LATS1: variants seen among roughly 807,000 people sequenced by gnomAD.
LATS1 encodes large tumor suppressor kinase 1.
In LATS1, 25 loss-of-function variants were observed where a neutral mutation model predicts 106.6. The observed-to-expected ratio is 0.23, with a 90% confidence interval of 0.17 to 0.33. The LOEUF is 0.33. LATS1 is among the 10% of genes least tolerant of loss of function. The pLI is 1.00. For missense variants in LATS1, 1,040 were observed against 1,382.6 expected (o/e 0.75, Z 3.93); for synonymous variants, 465 against 455.6 (o/e 1.02, Z -0.26).
At chr6:149,692,385 G>C (rs918585226) in intron 3 of LATS1, among the ~76,000 whole-genome samples, 11 of 151,950 alleles carry the variant, frequency 7.2e-5, no homozygotes, top group African/African-American at 2.4e-4. Context: ...TTATCAGTTT[G>C]TTAGGAAGGG....
rs1015985815 is a variant in LATS1 at position 149,683,127 on chromosome 6, A to C, written c.1962T>G (p.His654Gln). Residue 654 changes from histidine to glutamine, a missense_variant, in exon 4 of 8, where the codon CAT (histidine) becomes CAG (glutamine). Around this residue, in one of 7 missense-constraint regions of LATS1, gnomAD observed 167 missense variants for 332.1 expected, o/e 0.50. Transcript: ENST00000543571. Reference protein sequence around the residue: ...EQHVENVLKSHQQRLHRKKQL... With the variant: ...EQHVENVLKSQQQRLHRKKQL... The stretch of plus-strand genomic sequence containing the variant: ...GTTTTTTACGATGTAGACGCTGCTG[A>C]TGAGATTTGAGTACATTTTCTACAT... 7 of 1,613,362 alleles carry C rather than the reference A, an allele frequency of 4.3e-6. No homozygotes were observed. The highest frequency in any genetic ancestry group is 1.3e-5 in the African/African-American group (1 of 74,920).
At chr6:149,666,814 C>A (rs1348338482) in intron 7 of LATS1, among the ~76,000 whole-genome samples, 1 of 151,364 alleles carries the variant, frequency 6.6e-6, no homozygotes, top group East Asian at 1.9e-4. Context: ...TGGTGGTGGG[C>A]GCCTGTAGTC....
At chr6:149,706,714 T>C (rs1162218504) in intron 1 of LATS1, among the ~76,000 whole-genome samples, 2 of 151,828 alleles carry the variant, frequency 1.3e-5, no homozygotes, top group Admixed American at 1.3e-4. Context: ...AGGAAGGCAA[T>C]GTGATGATGA....
chr6:149,705,931 C>T (rs1783735736), intron 1 of LATS1, among the ~76,000 whole-genome samples: 1 of 152,028 alleles, frequency 6.6e-6, no homozygotes, highest in Non-Finnish European at 1.5e-5. Flanking sequence ...CTCCTATAAT[C>T]CCAGCACTTT....
At chr6:149,667,122 A>T (rs1227517260) in intron 7 of LATS1, among the ~76,000 whole-genome samples, 4 of 151,950 alleles carry the variant, frequency 2.6e-5, no homozygotes, top group African/African-American at 9.7e-5. Flanking sequence ...GAGGAAAAAA[A>T]ATCAGTGAAC....
intron 1 of LATS1, among the ~76,000 whole-genome samples, chr6:149,707,173 G>A (rs958911472): frequency 2.0e-5 from 3 of 151,786 alleles, no homozygotes; most frequent in Admixed American, 1.3e-4. Context: ...GTACCACCAC[G>A]CCAGGCTAAT....
chr6:149,695,676 GAAAA>G (rs59803714), intron 2 of LATS1, among the ~76,000 whole-genome samples: 2 of 134,198 alleles, frequency 1.5e-5, no homozygotes, highest in Non-Finnish European at 3.3e-5. Context: ...TGCTGTCTTG[GAAAA>G]AAAAAAAAAA....
chr6:149,682,004 G>A (rs1467674191), intron 4 of LATS1, among the ~76,000 whole-genome samples: 3 of 151,878 alleles, frequency 2.0e-5, no homozygotes, highest in Non-Finnish European at 4.4e-5. Flanking sequence ...CCCAGCTAGT[G>A]GGGAGGCTGA....
chr6:149,676,734 T>C lies in LATS1; in HGVS notation c.2597A>G (p.Asp866Gly). The C allele has an allele frequency of 6.2e-7, 1 of 1,609,570 alleles. No homozygotes were observed. The highest frequency in any genetic ancestry group is 8.5e-7 in the Non-Finnish European group (1 of 1,176,452). ...ATCCATGCTATCTTGCCGTGGATGG[T>C]CACCTGCACAACAAAAGAATAAGTA... is the stretch of plus-strand genomic sequence containing the variant. ...THDSKYYQSGDHPRQDSMDFS... is the reference protein window; with the variant it reads ...THDSKYYQSGGHPRQDSMDFS... Residue 866 changes from aspartate (D) to glycine (G), a missense_variant, in exon 6 of 8, where the codon GAC becomes GGC. This residue lies in a region of LATS1 where 63 missense variants were observed against 64.3 expected (regional missense o/e 0.98). Transcript: ENST00000543571.
In LATS1 at chr6:149,683,202, A is replaced by C; in HGVS notation, c.1887T>G (p.Ser629=). 1.2e-6 allele frequency: 2 copies of C among 1,614,122 alleles called. No individual in the cohort carries two copies. Among genetic ancestry groups the C allele is most frequent in the Non-Finnish European group, 1.7e-6 (2 of 1,179,996 alleles). ...CTTGAGGAGAATAACTTTGAATACG[A>C]GATTCCCTTCGCTCTTCATCTTTCT... The part of the protein sequence containing the change: ...KNKKDEERRE[S]RIQSYSPQAF... Residue 629 remains serine, a synonymous_variant, in exon 4 of 8, where the codon TCT becomes TCG. Transcript: ENST00000543571.
chr6:149,660,370 A>G lies in LATS1; in HGVS notation c.*1359T>C, dbSNP rs1281030465. 1 of 233,138 alleles carries G rather than the reference A, an allele frequency of 4.3e-6. No individual in the cohort carries two copies. The highest frequency in any genetic ancestry group is 8.5e-6 in the Non-Finnish European group (1 of 117,984). The allele number at this position is 233,138 out of a possible 1,614,324, so 14.4% of individuals were successfully genotyped here. On this transcript the variant is annotated 3_prime_UTR_variant, in exon 8 of 8. Transcript: ENST00000543571. ...AGCTCTGCCTTTAATTTTACTACATATACGGTTTCAATTAGCTTTTATGCG... is the reference window on the plus strand; with the variant it reads ...AGCTCTGCCTTTAATTTTACTACATGTACGGTTTCAATTAGCTTTTATGCG...
intron 3 of LATS1, among the ~76,000 whole-genome samples, chr6:149,688,640 A>G (rs1782542146): frequency 6.6e-6 from 1 of 152,144 alleles, no homozygotes; most frequent in African/African-American, 2.4e-5. Flanking sequence ...CATCAACTAT[A>G]TGCCAGGCAC....
At chr6:149,672,950 A>C (rs537515660) in intron 7 of LATS1, among the ~76,000 whole-genome samples, 5 of 152,126 alleles carry the variant, frequency 3.3e-5, no homozygotes, top group Admixed American at 6.5e-5. Flanking sequence ...GTTTCAAAAA[A>C]AACAACAACG....
At chr6:149,669,767 A>G (rs1203395365) in intron 7 of LATS1, among the ~76,000 whole-genome samples, 2 of 151,880 alleles carry the variant, frequency 1.3e-5, no homozygotes, top group African/African-American at 4.9e-5. Context: ...AAAAGGAAAA[A>G]AGAAGAAAAA....
intron 7 of LATS1, among the ~76,000 whole-genome samples, chr6:149,666,337 G>A (rs1443428558): frequency 1.3e-5 from 2 of 151,824 alleles, no homozygotes; most frequent in African/African-American, 4.9e-5. Context: ...GCCATTATAG[G>A]CCGGGTGCGG....
rs78645785 is a variant in LATS1, at chr6:149,660,024, G to A, written c.*1705C>T. On this transcript the variant is annotated 3_prime_UTR_variant, in exon 8 of 8. Coordinates refer to ENST00000543571, the MANE Select transcript of LATS1 (RefSeq NM_004690.4). ...TATAAGATGTGCTGAGTAGTGATTG[G>A]TAAGTTAAAAACAAAGTTCTTAGTT... 3,450 of 232,268 alleles carry A rather than the reference G, an allele frequency of 0.015. 131 individuals are homozygous for A. The highest frequency in any genetic ancestry group is 0.072 in the African/African-American group (3,288 of 45,358). The allele number at this position is 232,268 out of a possible 1,614,324, so 14.4% of individuals were successfully genotyped here.
At chr6:149,698,552 C>CT (rs748004563) in intron 2 of LATS1, among the ~76,000 whole-genome samples, 2,127 of 128,918 alleles carry the variant, frequency 0.016, 19 homozygotes, top group African/African-American at 0.027. Context: ...AGCCAGAAGT[C>CT]TTTTTTTTTT....
At chr6:149,687,471 C>T (rs939439524) in intron 3 of LATS1, among the ~76,000 whole-genome samples, 1 of 152,028 alleles carries the variant, frequency 6.6e-6, no homozygotes, top group African/African-American at 2.4e-5. Context: ...TTGATGTCAC[C>T]CAGGCTGGAG....
At position 149,695,220 on chromosome 6, in the gene LATS1, T is replaced by A; in HGVS notation, c.350A>T (p.Asp117Val). 1 of 1,576,320 alleles carries A rather than the reference T, an allele frequency of 6.3e-7. No homozygotes were observed. Among genetic ancestry groups the A allele is most frequent in the Non-Finnish European group, 8.6e-7 (1 of 1,158,120 alleles). ...TTTCTGAAGAGCTTGTATAACCATA[T>A]CCTGATATGAATTGAAGTTTAAAAA... is the stretch of plus-strand genomic sequence containing the variant. ...QDLQAAGFDE[D>V]MVIQALQKTN... The change falls in exon 3 of 8, where the codon GAT (aspartate) becomes GTT (valine). Residue 117 changes from aspartate (D) to valine (V), a missense_variant and splice_region_variant. This residue lies in a region of LATS1 where 624 missense variants were observed against 714.8 expected (regional missense o/e 0.87). Transcript: ENST00000543571.
Sources: gnomAD v4.1 joint callset for allele counts (sites outside exome capture counted in the v4.1 genomes callset) on GRCh38, gnomAD v4.1.1 for gene constraint, gnomAD v4.1.1 regional missense constraint, MANE v1.5 for transcripts, NCBI Gene and HGNC (gene_info 2026-07-23, HGNC 2026-07-21) for gene names.